CACNA1D: variants seen among roughly 807,000 people sequenced by gnomAD.
The protein encoded by CACNA1D is voltage-dependent L-type calcium channel subunit alpha-1D.
Under a neutral mutation model 257.1 loss-of-function variants are expected in CACNA1D, and 55 were observed. The ratio of observed to expected loss-of-function variants is 0.21; its 90% CI spans 0.17 to 0.27. The LOEUF (loss-of-function observed/expected upper bound fraction) is 0.27, where lower values mean the gene tolerates loss of function less well. Ranked by LOEUF, CACNA1D falls within the 10% of genes least tolerant of loss-of-function variation. The pLI, the probability that CACNA1D is intolerant of heterozygous loss-of-function variation, is 1.00. For synonymous variants in CACNA1D, 980 were observed against 1,014.9 expected (o/e 0.97, Z 0.65); for missense variants, 1,876 against 2,784.0 (o/e 0.67, Z 7.34).
intron 44 of CACNA1D, 144 bp downstream of exon 44, chr3:53,803,716 A>G: frequency 1.3e-6 from 1 of 781,476 alleles, no homozygotes; most frequent in Non-Finnish European, 2.2e-6. Flanking sequence ...CCAGAGGGAG[A>G]GTGGAGCTGG....
At chr3:53,547,707 GGCCCTTTGGAGGCAGCT>G (rs2092442436) in intron 3 of CACNA1D, among the ~76,000 whole-genome samples, 1 of 152,148 alleles carries the variant, frequency 6.6e-6, no homozygotes, top group Non-Finnish European at 1.5e-5. Flanking sequence ...TTATGGCAGT[GGCCCTTTGGAGGCAGCT>G]GCCTCTCTTG....
chr3:53,544,380 G>T (rs1051102567), intron 3 of CACNA1D, among the ~76,000 whole-genome samples: 1 of 152,168 alleles, frequency 6.6e-6, no homozygotes, highest in Admixed American at 6.5e-5. Flanking sequence ...GGCAAGGTTG[G>T]GGGTAGGGAC....
At position 53,672,217 on chromosome 3, in the gene CACNA1D, G is replaced by T. The variant is rs963614503; in HGVS notation, c.1117-806G>T. On this transcript the variant is annotated intron_variant, in intron 7 of 47. Transcript: ENST00000350061. ...CACCTCTAAACCCAGTCAGCTCACAGCTGGAGCCAGTCTCCCAGGGGGGTC... is the reference window on the plus strand; with the variant it reads ...CACCTCTAAACCCAGTCAGCTCACATCTGGAGCCAGTCTCCCAGGGGGGTC... 2.6e-5 allele frequency among the ~76,000 whole-genome samples: 4 copies of T among 152,186 alleles called. No individual in the cohort carries two copies. The South Asian group carries it at 8.3e-4, about 31-fold the overall frequency.
intron 3 of CACNA1D, among the ~76,000 whole-genome samples, chr3:53,644,981 C>T (rs1425347143): frequency 6.6e-6 from 1 of 152,224 alleles, no homozygotes; most frequent in Admixed American, 6.5e-5. Flanking sequence ...TCTTTGCCAA[C>T]ACTTATCACT....
intron 29 of CACNA1D, among the ~76,000 whole-genome samples, chr3:53,754,472 T>C (rs2095249535): frequency 6.6e-6 from 1 of 152,214 alleles, no homozygotes; most frequent in Non-Finnish European, 1.5e-5. Context: ...ATGAGGACGC[T>C]AATAGTGCTG....
In CACNA1D at chr3:53,727,033, C is replaced by T. The variant is rs370989490; in HGVS notation, c.2221+34C>T. On this transcript the variant is annotated intron_variant, in intron 15 of 47. Transcript: ENST00000350061. ...CAAGCCGACCAGGCTTTGTTGTTGC[C>T]GTCGTTATCTGGTTTTGTTTTTCTT... The T allele has an allele frequency of 1.3e-3, 2,068 of 1,613,408 alleles. 26 individuals are homozygous for T. The South Asian group carries it at 0.013, about 10-fold the overall frequency.
In CACNA1D at chr3:53,719,765, T is replaced by C; in HGVS notation, c.1489T>C (p.Ser497Pro). The C allele has an allele frequency of 6.2e-7, 1 of 1,614,052 alleles. No homozygotes were observed. Among genetic ancestry groups the C allele is most frequent in the Non-Finnish European group, 8.5e-7 (1 of 1,179,856 alleles). Residue 497 changes from serine to proline, a missense_variant, in exon 11 of 48, where the codon TCA becomes CCA. This residue lies in a region of CACNA1D where 257 missense variants were observed against 399.7 expected (regional missense o/e 0.64). Transcript: ENST00000350061. Reference sequence around the variant, plus strand: ...TTGTCTTTCTTTCAGTCAAGCCATCTCAAAATCCAAACTCAGGTCAGTATC... The same window carrying C: ...TTGTCTTTCTTTCAGTCAAGCCATCCCAAAATCCAAACTCAGGTCAGTATC... ...GCCGSLCQAI[S>P]KSKLSRRWRR... is the part of the protein sequence containing the mutation.
intron 3 of CACNA1D, among the ~76,000 whole-genome samples, chr3:53,508,930 G>A (rs1389958999): frequency 1.3e-5 from 2 of 152,174 alleles, no homozygotes; most frequent in Non-Finnish European, 2.9e-5. Flanking sequence ...GGACAGATGT[G>A]CAGAAGGGAG....
At chr3:53,718,882 G>A in intron 10 of CACNA1D, 1 of 737,526 alleles carries the variant, frequency 1.4e-6, no homozygotes. Context: ...CTCAGGCCTG[G>A]CGGTTGGATG....
intron 3 of CACNA1D, among the ~76,000 whole-genome samples, chr3:53,626,573 T>G (rs2093761366): frequency 6.6e-6 from 1 of 152,044 alleles, no homozygotes; most frequent in Admixed American, 6.5e-5. Flanking sequence ...CTCTGATTTT[T>G]TTTTTAAAGT....
rs1287453522 is a variant in CACNA1D, at chr3:53,495,974, C to G, written c.67+741C>G. Among the ~76,000 whole-genome samples, 1 of 152,180 alleles carries G rather than the reference C, an allele frequency of 6.6e-6. No individual in the cohort carries two copies. The highest frequency in any genetic ancestry group is 1.5e-5 in the Non-Finnish European group (1 of 68,018). Reference sequence around the variant, plus strand: ...CCCTCCCCTTTGGAGACCGCCAGTGCCCCCCAACCCCTGTCGGCTGGAAGC... The same window carrying G: ...CCCTCCCCTTTGGAGACCGCCAGTGGCCCCCAACCCCTGTCGGCTGGAAGC... On this transcript the variant is annotated intron_variant, in intron 1 of 47. Coordinates refer to ENST00000350061, the MANE Select transcript of CACNA1D (RefSeq NM_001128840.3). The surrounding 1 kb of genome is among the most constrained non-coding windows in gnomAD (Gnocchi z 5.1).
chr3:53,745,978 T>C (rs1455012343), intron 25 of CACNA1D, 103 bp downstream of exon 25: 12 of 854,012 alleles, frequency 1.4e-5, no homozygotes, highest in Non-Finnish European at 2.0e-6. Context: ...TGAAATAAAA[T>C]AGGCCTGTGT....
rs973899352 is a variant in CACNA1D at position 53,741,354 on chromosome 3, A to G, written c.2811+1015A>G. Reference sequence around the variant, plus strand: ...AATTTTTGTGTGTGCAATTCAGGCAAAATGTATTTTGCATCGGACTACTGT... The same window carrying G: ...AATTTTTGTGTGTGCAATTCAGGCAGAATGTATTTTGCATCGGACTACTGT... On this transcript the variant is annotated intron_variant, in intron 21 of 47. Coordinates refer to ENST00000350061, the MANE Select transcript of CACNA1D (RefSeq NM_001128840.3). 3.3e-5 allele frequency among the ~76,000 whole-genome samples: 5 copies of G among 152,208 alleles called. 1 individual carries two copies. The South Asian group carries it at 8.3e-4, about 25-fold the overall frequency.
intron 29 of CACNA1D, 21 bp from the exon 30 acceptor site, chr3:53,761,977 G>A: frequency 6.4e-7 from 1 of 1,558,488 alleles, no homozygotes; most frequent in Non-Finnish European, 8.9e-7. Context: ...ATAAACATCT[G>A]CCCTCGCCTG....
At chr3:53,504,069 A>T (rs1487810574) in intron 3 of CACNA1D, among the ~76,000 whole-genome samples, 1 of 147,200 alleles carries the variant, frequency 6.8e-6, no homozygotes, top group Non-Finnish European at 1.5e-5. Flanking sequence ...TTTTTTTTTT[A>T]AATACATTTG....
chr3:53,545,358 C>T (rs1369913109), intron 3 of CACNA1D, among the ~76,000 whole-genome samples: 1 of 152,256 alleles, frequency 6.6e-6, no homozygotes, highest in Non-Finnish European at 1.5e-5. Flanking sequence ...CTCTCCCTCA[C>T]AAGGCCATGG....
At chr3:53,803,855 G>A (rs1251279590) in intron 44 of CACNA1D, among the ~76,000 whole-genome samples, 1 of 152,180 alleles carries the variant, frequency 6.6e-6, no homozygotes, top group African/African-American at 2.4e-5. Flanking sequence ...TTCGTGGCTG[G>A]GTTAATGCCT....
chr3:53,504,348 C>T lies in CACNA1D; in HGVS notation c.483+2628C>T, dbSNP rs574550714. ...TGATGTTTCTGCCTGTTACCAGTTA[C>T]CTAGTAAAATTATGACTTTTTTTGG... On this transcript the variant is annotated intron_variant, in intron 3 of 47. Transcript: ENST00000350061. Among the ~76,000 whole-genome samples the T allele has an allele frequency of 7.9e-5, 12 of 152,186 alleles. 1 individual carries two copies. The South Asian group carries it at 2.5e-3, about 32-fold the overall frequency.
Position 53,650,829 on chromosome 3 carries a change from G to T in CACNA1D, c.534G>T (p.Leu178Phe). 1 of 1,613,068 alleles carries T rather than the reference G, an allele frequency of 6.2e-7. No individual in the cohort carries two copies. Among genetic ancestry groups the T allele is most frequent in the Non-Finnish European group, 8.5e-7 (1 of 1,179,094 alleles). ...FLIIFTVETF[L>F]KIIAYGLLLH... ...TTATTTTTACAGTCGAGACATTTTTGAAGATTATAGCGTATGGATTATTGC... is the reference window on the plus strand; with the variant it reads ...TTATTTTTACAGTCGAGACATTTTTTAAGATTATAGCGTATGGATTATTGC... The change falls in exon 4 of 48, where the codon TTG becomes TTT. Residue 178 changes from leucine (L) to phenylalanine (F), a missense_variant. Leu to Phe is a conservative substitution (Grantham distance 22). Transcript: ENST00000350061.
Sources: gnomAD v4.1 joint callset for allele counts (sites outside exome capture counted in the v4.1 genomes callset) on GRCh38, gnomAD v4.1.1 for gene constraint, gnomAD v4.1.1 regional missense constraint, Gnocchi (gnomAD v3.1) non-coding constraint, MANE v1.5 for transcripts, NCBI Gene and HGNC (gene_info 2026-07-23, HGNC 2026-07-21) for gene names.